The following DPYSL5 variants were observed in gnomAD, a reference collection of about 807,000 sequenced individuals.
The protein encoded by DPYSL5 is dihydropyrimidinase-related protein 5.
A neutral mutation model predicts 58.4 loss-of-function variants in DPYSL5; 9 were observed. That is an observed-to-expected ratio of 0.15 (90% CI 0.09 to 0.27). The LOEUF (loss-of-function observed/expected upper bound fraction) is 0.27. DPYSL5 is among the 10% of genes least tolerant of loss of function. The pLI is 1.00. For synonymous variants in DPYSL5, 293 were observed against 301.9 expected (o/e 0.97, Z 0.31); for missense variants, 499 against 770.6 (o/e 0.65, Z 4.17).
chr2:26,872,851 G>A (rs890717264), intron 1 of DPYSL5, among the ~76,000 whole-genome samples: 4 of 152,116 alleles, frequency 2.6e-5, no homozygotes, highest in South Asian at 2.1e-4. Context: ...AAATATTTCC[G>A]TACCTTCTGC....
In DPYSL5 at chr2:26,891,568, C is replaced by G. The variant is rs574723847; in HGVS notation, c.-4-6928C>G. ...TCAGCCCCATCTATTCCTCCCTCACCCATCTCCTTTCAAAAAGGATGGCAG... is the reference window on the plus strand; with the variant it reads ...TCAGCCCCATCTATTCCTCCCTCACGCATCTCCTTTCAAAAAGGATGGCAG... On this transcript the variant is annotated intron_variant, in intron 1 of 12. Transcript: ENST00000288699. Among the ~76,000 whole-genome samples the G allele has an allele frequency of 5.9e-5, 9 of 152,294 alleles. No homozygotes were observed. In the South Asian group the frequency reaches 1.7e-3, roughly 28 times the overall value.
intron 2 of DPYSL5, among the ~76,000 whole-genome samples, chr2:26,921,445 C>T (rs1168495221): frequency 6.6e-6 from 1 of 152,212 alleles, no homozygotes; most frequent in Non-Finnish European, 1.5e-5. Context: ...TGTTCTTAAA[C>T]ATCATCCTTT....
intron 2 of DPYSL5, among the ~76,000 whole-genome samples, chr2:26,908,444 A>G (rs1335519115): frequency 6.6e-6 from 1 of 152,242 alleles, no homozygotes; most frequent in African/African-American, 2.4e-5. Context: ...CTACTTGCTT[A>G]ACAAAACCTT....
Position 26,927,368 on chromosome 2 carries a change from A to G in DPYSL5, c.536A>G (p.His179Arg), listed in dbSNP as rs1664854743. The stretch of plus-strand genomic sequence containing the variant: ...GACAGTGAGCTGTACCAAGTGTTGC[A>G]CGCTTGCAAGGACATTGGGGCAATC... Reference protein sequence around the residue: ...LRDSELYQVLHACKDIGAIAR... With the variant: ...LRDSELYQVLRACKDIGAIAR... Residue 179 changes from histidine (H) to arginine (R), a missense_variant, in exon 4 of 13, where the codon CAC becomes CGC. By Grantham distance (29) the His-to-Arg change is conservative. Transcript: ENST00000288699. The surrounding 1 kb of genome is among the most constrained non-coding windows in gnomAD (Gnocchi z 4.3). The G allele has an allele frequency of 6.2e-7, 1 of 1,614,258 alleles. No homozygotes were observed. The highest frequency in any genetic ancestry group is 1.3e-5 in the African/African-American group (1 of 75,068).
In DPYSL5 at chr2:26,934,438, T is replaced by C. The variant is rs1665120853; in HGVS notation, c.791-140T>C. On this transcript the variant is annotated intron_variant, in intron 7 of 12. Coordinates refer to ENST00000288699, the MANE Select transcript of DPYSL5 (RefSeq NM_020134.4). The surrounding 1 kb of genome is among the most constrained non-coding windows in gnomAD (Gnocchi z 4.3). ...TCTCTGGGCTTGAACCCAGCTGTGC[T>C]CTTAAAAGCCCTGTGAGCTTGGGCA... 2 of 1,010,874 alleles carry C rather than the reference T, an allele frequency of 2.0e-6. No homozygotes were observed. The highest frequency in any genetic ancestry group is 1.6e-5 in the African/African-American group (1 of 61,846). 62.6% of individuals were successfully genotyped at this position (1,010,874 alleles called of 1,614,324 possible). A position where few individuals can be genotyped will look rare whatever the true frequency, so the allele number is the denominator to read the frequency against.
At position 26,934,845 on chromosome 2, in the gene DPYSL5, TCATTGTG is replaced by T. The variant is rs1413313405; in HGVS notation, c.947+113_947+119del. ...GTTTGATTTCATTGTGCCCATAGGA[TCATTGTG>T]CTTTTCTTACCTTCTCTGAGCCCAT... On this transcript the variant is annotated intron_variant, in intron 8 of 12. Transcript: ENST00000288699. The surrounding 1 kb of genome is among the most constrained non-coding windows in gnomAD (Gnocchi z 4.3). 6.3e-6 allele frequency: 9 copies of T among 1,420,362 alleles called. No homozygotes were observed. In the African/African-American group the frequency reaches 1.1e-4, roughly 18 times the overall value. 88.0% of individuals were successfully genotyped at this position (1,420,362 alleles called of 1,614,324 possible).
At chr2:26,893,606 C>T (rs1663941925) in intron 1 of DPYSL5, among the ~76,000 whole-genome samples, 1 of 152,154 alleles carries the variant, frequency 6.6e-6, no homozygotes, top group Admixed American at 6.5e-5. Flanking sequence ...TGTTAGAGTG[C>T]AACAAGTAGA....
chr2:26,850,438 C>G (rs1442584981), intron 1 of DPYSL5, among the ~76,000 whole-genome samples: 1 of 152,162 alleles, frequency 6.6e-6, no homozygotes, highest in African/African-American at 2.4e-5. Flanking sequence ...TGAAGTGACA[C>G]CCAAAGCCAG....
chr2:26,895,775 CTTTTTTTTTTTTTT>C, intron 1 of DPYSL5, among the ~76,000 whole-genome samples: 2 of 101,104 alleles, frequency 2.0e-5, no homozygotes, highest in East Asian at 5.4e-4. Flanking sequence ...ATTTCTTTTT[CTTTTTTTTTTTTTT>C]TTTTTTTTTG....
intron 1 of DPYSL5, among the ~76,000 whole-genome samples, chr2:26,870,997 C>G (rs1326856881): frequency 6.6e-6 from 1 of 152,214 alleles, no homozygotes; most frequent in African/African-American, 2.4e-5. Context: ...CTCAGTCATA[C>G]GAACCACCTT....
chr2:26,874,821 G>A (rs554027715), intron 1 of DPYSL5, among the ~76,000 whole-genome samples: 9 of 152,186 alleles, frequency 5.9e-5, no homozygotes, highest in African/African-American at 1.4e-4. Context: ...GTTCTAGGTC[G>A]TACATATTTT....
At chr2:26,904,878 TGGGTGACA>T (rs1252201276) in intron 2 of DPYSL5, among the ~76,000 whole-genome samples, 35 of 152,220 alleles carry the variant, frequency 2.3e-4, no homozygotes, top group Admixed American at 2.2e-3. Flanking sequence ...CACCCCAGCC[TGGGTGACA>T]GAGTGAGACC....
At position 26,877,802 on chromosome 2, in the gene DPYSL5, T is replaced by C. The variant is rs1663451446; in HGVS notation, c.-4-20694T>C. Among the ~76,000 whole-genome samples the C allele has an allele frequency of 6.6e-6, 1 of 152,254 alleles. No individual in the cohort carries two copies. Among genetic ancestry groups the C allele is most frequent in the Non-Finnish European group, 1.5e-5 (1 of 68,054 alleles). ...ATAAACATACCTTGGGTTCTGGTTT[T>C]GTCCTGTAAACTACTTTCTTCACTC... On this transcript the variant is annotated intron_variant, in intron 1 of 12. Transcript: ENST00000288699. This position sits in a 1 kb window ranked among gnomAD's most constrained non-coding sequence, Gnocchi z 4.1.
intron 1 of DPYSL5, among the ~76,000 whole-genome samples, chr2:26,873,745 T>C (rs898521183): frequency 1.3e-5 from 2 of 152,172 alleles, no homozygotes; most frequent in Admixed American, 1.3e-4. Context: ...TCCTGACAAA[T>C]ATTCTGTTAC....
intron 1 of DPYSL5, among the ~76,000 whole-genome samples, chr2:26,874,626 G>A (rs771794008): frequency 1.4e-4 from 21 of 152,194 alleles, no homozygotes; most frequent in Non-Finnish European, 2.1e-4. Flanking sequence ...TAGCTTTACA[G>A]TATGTCTTGA....
At position 26,944,079 on chromosome 2, in the gene DPYSL5, C is replaced by T. The variant is rs1178984045; in HGVS notation, c.1441-577C>T. ...GGCCGAGGCGGGTGGATCACGAGGT[C>T]AGGAGTTCAAGACCAGCTGGCCAAG... is the stretch of plus-strand genomic sequence containing the variant. On this transcript the variant is annotated intron_variant, in intron 11 of 12. Coordinates refer to ENST00000288699, the MANE Select transcript of DPYSL5 (RefSeq NM_020134.4). The surrounding 1 kb of genome is among the most constrained non-coding windows in gnomAD (Gnocchi z 4.4). Among the ~76,000 whole-genome samples, 1 of 152,112 alleles carries T rather than the reference C, an allele frequency of 6.6e-6. No homozygotes were observed. The highest frequency in any genetic ancestry group is 1.5e-5 in the Non-Finnish European group (1 of 68,018).
chr2:26,943,184 G>A (rs1665371293), intron 11 of DPYSL5, among the ~76,000 whole-genome samples: 1 of 152,174 alleles, frequency 6.6e-6, no homozygotes, highest in African/African-American at 2.4e-5. Context: ...AGCACAGGAG[G>A]AGCAGGCACC....
Position 26,898,704 on chromosome 2 carries a change from T to C in DPYSL5, c.205T>C (p.Phe69Leu). The C allele has an allele frequency of 6.2e-7, 1 of 1,614,134 alleles. No individual in the cohort carries two copies. The highest frequency in any genetic ancestry group is 8.5e-7 in the Non-Finnish European group (1 of 1,179,966). Residue 69 changes from phenylalanine (F) to leucine (L), a missense_variant, in exon 2 of 13, where the codon TTC becomes CTC. By Grantham distance (22) the Phe-to-Leu change is conservative (BLOSUM62 0). Around this residue, in one of 3 missense-constraint regions of DPYSL5, gnomAD observed 404 missense variants for 647.6 expected, o/e 0.62. Coordinates refer to ENST00000288699, the MANE Select transcript of DPYSL5 (RefSeq NM_020134.4). The surrounding 1 kb of genome is among the most constrained non-coding windows in gnomAD (Gnocchi z 6.1). ...IPGGIDTSTHFHQTFMNATCV... is the reference protein window; with the variant it reads ...IPGGIDTSTHLHQTFMNATCV... The stretch of plus-strand genomic sequence containing the variant: ...TGGTGGCATCGACACCAGCACCCAC[T>C]TCCACCAGACCTTCATGAATGCCAC...
intron 1 of DPYSL5, among the ~76,000 whole-genome samples, chr2:26,852,709 G>T (rs1665787303): frequency 6.6e-6 from 1 of 152,198 alleles, no homozygotes; most frequent in Non-Finnish European, 1.5e-5. Flanking sequence ...GTGCAATGAG[G>T]ATGGTTGTAT....
Sources: gnomAD v4.1 joint callset for allele counts (sites outside exome capture counted in the v4.1 genomes callset) on GRCh38, gnomAD v4.1.1 for gene constraint, gnomAD v4.1.1 regional missense constraint, Gnocchi (gnomAD v3.1) non-coding constraint, MANE v1.5 for transcripts, NCBI Gene and HGNC (gene_info 2026-07-23, HGNC 2026-07-21) for gene names.